GRID1: variants seen among roughly 807,000 people sequenced by gnomAD.
The protein encoded by GRID1 is glutamate receptor ionotropic, delta-1.
A neutral mutation model predicts 98.0 loss-of-function variants in GRID1; 28 were observed. The observed-to-expected ratio is 0.29, with a 90% CI of 0.21 to 0.39. The LOEUF is 0.39. Among genes scored for constraint, GRID1 ranks in the 10% least tolerant of loss-of-function variants. The pLI is 1.00. For missense variants in GRID1, 1,111 were observed against 1,340.5 expected (o/e 0.83, Z 2.67); for synonymous variants, 553 against 538.5 (o/e 1.03, Z -0.37).
At chr10:85,804,650 T>A (rs1842606113) in intron 8 of GRID1, among the ~76,000 whole-genome samples, 1 of 151,910 alleles carries the variant, frequency 6.6e-6, no homozygotes, top group South Asian at 2.1e-4. Flanking sequence ...GTATTTGTCA[T>A]AGAATTGCAA....
At chr10:86,026,720 AC>A (rs1347886611) in intron 4 of GRID1, among the ~76,000 whole-genome samples, 1 of 152,220 alleles carries the variant, frequency 6.6e-6, no homozygotes, top group Non-Finnish European at 1.5e-5. Flanking sequence ...ACCCAGACCT[AC>A]CCTGGAGCCA....
chr10:85,601,053 A>G lies in GRID1; in HGVS notation c.*1220T>C, dbSNP rs1842567135. 1 of 152,264 alleles carries G rather than the reference A, an allele frequency of 6.6e-6. No individual in the cohort carries two copies. The highest frequency in any genetic ancestry group is 1.5e-5 in the Non-Finnish European group (1 of 68,092). 9.4% of individuals were successfully genotyped at this position (152,264 alleles called of 1,614,324 possible). ...GCCTTTACTTTTGGGGCTACAAGCAACTTCCCTGGTGGATGGGAGTTACAC... is the reference window on the plus strand; with the variant it reads ...GCCTTTACTTTTGGGGCTACAAGCAGCTTCCCTGGTGGATGGGAGTTACAC... On this transcript the variant is annotated 3_prime_UTR_variant, in exon 16 of 16. Transcript: ENST00000327946.
chr10:85,931,630 T>C (rs952674399), intron 4 of GRID1, among the ~76,000 whole-genome samples: 1 of 152,234 alleles, frequency 6.6e-6, no homozygotes, highest in Non-Finnish European at 1.5e-5. Context: ...TATTTTTTAA[T>C]CTCTTTAAGA....
chr10:85,821,053 T>C (rs1208414869), intron 8 of GRID1, among the ~76,000 whole-genome samples: 2 of 152,014 alleles, frequency 1.3e-5, no homozygotes, highest in Non-Finnish European at 2.9e-5. Flanking sequence ...AGAAATATGG[T>C]TTTCCCATAT....
chr10:85,790,292 C>T (rs1842466701), intron 8 of GRID1, among the ~76,000 whole-genome samples: 1 of 152,182 alleles, frequency 6.6e-6, no homozygotes, highest in Admixed American at 6.5e-5. Flanking sequence ...ATAGACGGAA[C>T]AAGAGAATGA....
At chr10:86,002,075 G>C (rs1206730145) in intron 4 of GRID1, among the ~76,000 whole-genome samples, 8 of 152,148 alleles carry the variant, frequency 5.3e-5, no homozygotes, top group African/African-American at 1.7e-4. Flanking sequence ...CTCTTCTTAT[G>C]AGAACACAAG....
intron 8 of GRID1, among the ~76,000 whole-genome samples, chr10:85,769,778 G>A (rs369647723): frequency 3.3e-5 from 5 of 152,318 alleles, no homozygotes; most frequent in East Asian, 1.9e-4. Flanking sequence ...GGGGAGGGGC[G>A]CCTGCCATTG....
chr10:85,794,878 C>T (rs540754362), intron 8 of GRID1, among the ~76,000 whole-genome samples: 10 of 152,280 alleles, frequency 6.6e-5, no homozygotes, highest in Non-Finnish European at 1.0e-4. Flanking sequence ...ATTGCTTTTC[C>T]TGCCTGAAAG....
rs77813273 is a variant in GRID1 at position 86,321,437 on chromosome 10, C to A, written c.235+42504G>T. On this transcript the variant is annotated intron_variant, in intron 2 of 15. Transcript: ENST00000327946. Reference sequence around the variant, plus strand: ...AAAATCCATAGCAGTGCTGAAAAACCAGAATGGGGTTCTTTCCTGCAGGAG... The same window carrying A: ...AAAATCCATAGCAGTGCTGAAAAACAAGAATGGGGTTCTTTCCTGCAGGAG... Among the ~76,000 whole-genome samples, 800 of 152,198 alleles carry A rather than the reference C, an allele frequency of 5.3e-3. 10 individuals carry two copies. Among genetic ancestry groups the A allele is most frequent in the African/African-American group, 0.018 (749 of 41,508 alleles).
chr10:85,951,264 T>C (rs1332444395), intron 4 of GRID1, among the ~76,000 whole-genome samples: 1 of 152,106 alleles, frequency 6.6e-6, no homozygotes, highest in Non-Finnish European at 1.5e-5. Context: ...TACATGCATG[T>C]TTGTTGAATT....
At chr10:86,180,013 C>T (rs1415155285) in intron 3 of GRID1, among the ~76,000 whole-genome samples, 1 of 151,966 alleles carries the variant, frequency 6.6e-6, no homozygotes, top group East Asian at 1.9e-4. Flanking sequence ...TGAGGCACCA[C>T]AAAGAAACCA....
In GRID1 at chr10:85,600,442, A is replaced by G. The variant is rs1293448946; in HGVS notation, c.*1831T>C. Reference sequence around the variant, plus strand: ...ATCATGTCACTAGGGACTTTAGGAAAGAAATCAATCCTGGGCTAGTTATCA... The same window carrying G: ...ATCATGTCACTAGGGACTTTAGGAAGGAAATCAATCCTGGGCTAGTTATCA... On this transcript the variant is annotated 3_prime_UTR_variant, in exon 16 of 16. Coordinates refer to ENST00000327946, the MANE Select transcript of GRID1 (RefSeq NM_017551.3). The G allele has an allele frequency of 6.6e-6, 1 of 152,244 alleles. No homozygotes were observed. The highest frequency in any genetic ancestry group is 1.5e-5 in the Non-Finnish European group (1 of 68,056). 9.4% of individuals were successfully genotyped at this position (152,244 alleles called of 1,614,324 possible).
intron 8 of GRID1, among the ~76,000 whole-genome samples, chr10:85,807,356 TA>T (rs538214395): frequency 0.014 from 1,555 of 109,364 alleles, 10 homozygotes; most frequent in African/African-American, 0.03. Flanking sequence ...TCTCCTCAAA[TA>T]AAAAAAAAAA....
rs1020887364 is a variant in GRID1, at chr10:86,365,392, C to G, written c.79+922G>C. On this transcript the variant is annotated intron_variant, in intron 1 of 15. Coordinates refer to ENST00000327946, the MANE Select transcript of GRID1 (RefSeq NM_017551.3). This position sits in a 1 kb window ranked among gnomAD's most constrained non-coding sequence, Gnocchi z 4.8. The stretch of plus-strand genomic sequence containing the variant: ...ACCGCTGTCAGCCCCCCAACTCGGC[C>G]CAACTTCCCGAGATTCCTCCCGTGT... Among the ~76,000 whole-genome samples the G allele has an allele frequency of 2.0e-5, 3 of 151,758 alleles. No homozygotes were observed. The highest frequency in any genetic ancestry group is 4.4e-5 in the Non-Finnish European group (3 of 67,912).
At chr10:85,913,972 A>G (rs1841575776) in intron 5 of GRID1, among the ~76,000 whole-genome samples, 1 of 152,092 alleles carries the variant, frequency 6.6e-6, no homozygotes, top group Non-Finnish European at 1.5e-5. Flanking sequence ...CACAGGGTAC[A>G]CTGCTGGCCA....
At chr10:86,124,530 C>G (rs1327213632) in intron 4 of GRID1, among the ~76,000 whole-genome samples, 2 of 152,192 alleles carry the variant, frequency 1.3e-5, no homozygotes, top group Non-Finnish European at 2.9e-5. Context: ...AACCACTGCT[C>G]TACAGTGGTG....
chr10:85,945,065 AACT>A (rs1842039093), intron 4 of GRID1, among the ~76,000 whole-genome samples: 1 of 152,326 alleles, frequency 6.6e-6, no homozygotes, highest in South Asian at 2.1e-4. Flanking sequence ...TCCTCATCCA[AACT>A]ATGACTGCCA....
Position 86,366,708 on chromosome 10 carries a change from G to T in GRID1, c.-316C>A, listed in dbSNP as rs1464267078. 6.7e-6 allele frequency among the ~76,000 whole-genome samples: 1 copy of T among 149,864 alleles called. No individual in the cohort carries two copies. The highest frequency in any genetic ancestry group is 1.5e-5 in the Non-Finnish European group (1 of 66,766). On this transcript the variant is annotated 5_prime_UTR_variant, in exon 1 of 16. Coordinates refer to ENST00000327946, the MANE Select transcript of GRID1 (RefSeq NM_017551.3). This position sits in a 1 kb window ranked among gnomAD's most constrained non-coding sequence, Gnocchi z 4.1. ...GCTTCCCGCGGCTAGAGCGGCTTCG[G>T]GGGAGGCTGAGGCGGTGGCGGCGGC...
At chr10:85,903,551 A>G (rs1455317392) in intron 5 of GRID1, among the ~76,000 whole-genome samples, 1 of 152,136 alleles carries the variant, frequency 6.6e-6, no homozygotes, top group African/African-American at 2.4e-5. Flanking sequence ...TAAGGCAGCT[A>G]CCAGGGTATA....
Sources: gnomAD v4.1 joint callset for allele counts (sites outside exome capture counted in the v4.1 genomes callset) on GRCh38, gnomAD v4.1.1 for gene constraint, Gnocchi (gnomAD v3.1) non-coding constraint, MANE v1.5 for transcripts, NCBI Gene and HGNC (gene_info 2026-07-23, HGNC 2026-07-21) for gene names.